Variants in AP1M1 observed in about 807,000 individuals in gnomAD.
AP1M1 encodes the protein adaptor related protein complex 1 subunit mu 1.
In AP1M1, 18 loss-of-function variants were observed where a neutral mutation model predicts 57.1. The observed-to-expected ratio is 0.32, with a 90% CI of 0.22 to 0.47. The LOEUF (loss-of-function observed/expected upper bound fraction) is 0.47, where lower values mean the gene tolerates loss of function less well. AP1M1 is among the 20% of genes least tolerant of loss of function. AP1M1 has a pLI of 1.00. For synonymous variants in AP1M1, 241 were observed against 237.9 expected (o/e 1.01, Z -0.12); for missense variants, 362 against 593.5 (o/e 0.61, Z 4.05).
At chr19:16,229,420 C>A (rs560926824) in intron 9 of AP1M1, among the ~76,000 whole-genome samples, 2 of 152,358 alleles carry the variant, frequency 1.3e-5, no homozygotes, top group Admixed American at 1.3e-4. Context: ...GCTTCCCTGA[C>A]AACATGTTAA....
chr19:16,203,104 G>GC lies in AP1M1; in HGVS notation c.43-354dup. On this transcript the variant is annotated intron_variant, in intron 1 of 11. Coordinates refer to ENST00000291439, the MANE Select transcript of AP1M1 (RefSeq NM_032493.4). The surrounding 1 kb of genome is among the most constrained non-coding windows in gnomAD (Gnocchi z 4.6). ...CCTGACACAGGCGGGAGAGCAAGGT[G>GC]CGTTGGCCCGGCAAAGGCTCTGAGA... 3.8e-6 allele frequency: 1 copy of GC among 264,482 alleles called. No individual in the cohort carries two copies. Among genetic ancestry groups the GC allele is most frequent in the Non-Finnish European group, 7.4e-6 (1 of 135,430 alleles). The allele number at this position is 264,482 out of a possible 1,614,324, so 16.4% of individuals were successfully genotyped here.
chr19:16,231,478 CTTACTGCAGAGGCATGATCTCGG>C, intron 9 of AP1M1, among the ~76,000 whole-genome samples: 1 of 151,896 alleles, frequency 6.6e-6, no homozygotes, highest in East Asian at 2.0e-4. Context: ...ACGATCTCGG[CTTACTGCAGAGGCATGATCTCGG>C]CTTGCTGCAA....
At chr19:16,226,315 T>G (rs1599464420) in intron 5 of AP1M1, 106 bp from the exon 6 acceptor site, 1 of 1,416,362 alleles carries the variant, frequency 7.1e-7, no homozygotes, top group Non-Finnish European at 9.4e-7. Flanking sequence ...GGCTTGGAGG[T>G]GAGAAGGGCG....
At chr19:16,215,327 G>T (rs1264161434) in intron 5 of AP1M1, among the ~76,000 whole-genome samples, 1 of 147,322 alleles carries the variant, frequency 6.8e-6, no homozygotes, top group Non-Finnish European at 1.5e-5. Flanking sequence ...AGCACGTGGT[G>T]GTGCATGCCT....
chr19:16,232,024 GCT>G (rs1221983952), intron 9 of AP1M1, among the ~76,000 whole-genome samples: 4 of 152,192 alleles, frequency 2.6e-5, no homozygotes, highest in Admixed American at 2.0e-4. Flanking sequence ...CCTTCTCCTG[GCT>G]CTCTCTGCAT....
chr19:16,240,841 A>G lies in AP1M1; in HGVS notation c.*6406A>G, dbSNP rs906205842. 1 of 152,216 alleles carries G rather than the reference A, an allele frequency of 6.6e-6. No individual in the cohort carries two copies. The highest frequency in any genetic ancestry group is 1.5e-5 in the Non-Finnish European group (1 of 68,044). 9.4% of individuals were successfully genotyped at this position (152,216 alleles called of 1,614,324 possible). A position where few individuals can be genotyped will look rare whatever the true frequency, so the allele number is the denominator to read the frequency against. On this transcript the variant is annotated 3_prime_UTR_variant, in exon 12 of 12. Transcript: ENST00000291439. Reference sequence around the variant, plus strand: ...TCGTAACTAAAATAATCATAGTCGAACCACAGAACATATCAGACTCAGGGA... The same window carrying G: ...TCGTAACTAAAATAATCATAGTCGAGCCACAGAACATATCAGACTCAGGGA...
rs528842195 is a variant in AP1M1 at position 16,203,211 on chromosome 19, C to T, written c.43-248C>T. 6 of 530,974 alleles carry T rather than the reference C, an allele frequency of 1.1e-5. No individual in the cohort carries two copies. The highest frequency in any genetic ancestry group is 2.0e-5 in the South Asian group (1 of 49,306). The allele number at this position is 530,974 out of a possible 1,614,324, so 32.9% of individuals were successfully genotyped here. ...AGTCCTGGACCTTTGCTGCAGAGTT[C>T]GCCTCTACCCTCACCCTGCGAAGAA... On this transcript the variant is annotated intron_variant, in intron 1 of 11. Coordinates refer to ENST00000291439, the MANE Select transcript of AP1M1 (RefSeq NM_032493.4). The surrounding 1 kb of genome is among the most constrained non-coding windows in gnomAD (Gnocchi z 4.6).
chr19:16,214,350 C>G (rs949557063), intron 5 of AP1M1, among the ~76,000 whole-genome samples: 1 of 138,502 alleles, frequency 7.2e-6, no homozygotes, highest in African/African-American at 2.5e-5. Flanking sequence ...AGCCACTGCA[C>G]CCGGCCTTTT....
rs1352052370 is a variant in AP1M1 at position 16,244,422 on chromosome 19, GAAAATA to G, written c.*9988_*9993del. 3 of 152,154 alleles carry G rather than the reference GAAAATA, an allele frequency of 2.0e-5. No homozygotes were observed. The highest frequency in any genetic ancestry group is 7.2e-5 in the African/African-American group (3 of 41,438). The allele number at this position is 152,154 out of a possible 1,614,324, so 9.4% of individuals were successfully genotyped here. On this transcript the variant is annotated 3_prime_UTR_variant, in exon 12 of 12. Transcript: ENST00000291439. ...AAGAAGAAATAAAAGCAAAGAAGTA[GAAAATA>G]CATGAGAAAATCTAGACAAAGATTG...
In AP1M1 at chr19:16,238,731, T is replaced by C. The variant is rs1223056895; in HGVS notation, c.*4296T>C. The C allele has an allele frequency of 6.7e-6, 1 of 149,768 alleles. No individual in the cohort carries two copies. The highest frequency in any genetic ancestry group is 1.5e-5 in the Non-Finnish European group (1 of 67,500). The allele number at this position is 149,768 out of a possible 1,614,324, so 9.3% of individuals were successfully genotyped here. Reference sequence around the variant, plus strand: ...GTATTCTTTCTTTATGCTTTTTTTTTTTTTTTTTGACAGGGTGTCACTCTG... The same window carrying C: ...GTATTCTTTCTTTATGCTTTTTTTTCTTTTTTTTGACAGGGTGTCACTCTG... On this transcript the variant is annotated 3_prime_UTR_variant, in exon 12 of 12. Transcript: ENST00000291439.
At chr19:16,208,302 T>A (rs773622314) in intron 4 of AP1M1, 153 bp downstream of exon 4, 12 of 810,524 alleles carry the variant, frequency 1.5e-5, no homozygotes, top group Non-Finnish European at 2.2e-5. Context: ...ACTAAGTTGC[T>A]CTTAGTGGTT....
chr19:16,222,283 C>T (rs112803704), intron 5 of AP1M1, among the ~76,000 whole-genome samples: 2,193 of 150,730 alleles, frequency 0.015, 59 homozygotes, highest in African/African-American at 0.05. Context: ...GCATGGCTCA[C>T]TGTAGCCCCA....
At chr19:16,208,296 A>T (rs1376441062) in intron 4 of AP1M1, 147 bp downstream of exon 4, 1 of 846,728 alleles carries the variant, frequency 1.2e-6, no homozygotes, top group African/African-American at 1.7e-5. Flanking sequence ...GTTTTTACTA[A>T]GTTGCTCTTA....
chr19:16,199,302 G>T (rs2091437785), intron 1 of AP1M1, among the ~76,000 whole-genome samples: 1 of 152,190 alleles, frequency 6.6e-6, no homozygotes, highest in Non-Finnish European at 1.5e-5. Context: ...CAGGGAGCTG[G>T]ACATAAACTA....
chr19:16,233,393 G>C, intron 9 of AP1M1, 100 bp from the exon 10 acceptor site: 5 of 1,415,316 alleles, frequency 3.5e-6, no homozygotes, highest in Non-Finnish European at 4.6e-6. Context: ...CCCTGGACTG[G>C]GGTGAGTGGT....
intron 9 of AP1M1, among the ~76,000 whole-genome samples, chr19:16,230,796 T>C (rs1005518264): frequency 2.0e-5 from 3 of 152,184 alleles, no homozygotes; most frequent in Admixed American, 2.0e-4. Context: ...GAACCAAACC[T>C]GCACTGTGTG....
intron 9 of AP1M1, among the ~76,000 whole-genome samples, chr19:16,230,997 A>G (rs1273518901): frequency 6.6e-6 from 1 of 152,062 alleles, no homozygotes; most frequent in East Asian, 1.9e-4. Flanking sequence ...ATTTTAAGAA[A>G]TACAGAGAGG....
chr19:16,227,688 C>T lies in AP1M1; in HGVS notation c.814C>T (p.His272Tyr). The change falls in exon 7 of 12, where the codon CAC (histidine) becomes TAC (tyrosine). Residue 272 changes from histidine (H) to tyrosine (Y), a missense_variant and splice_region_variant. His to Tyr is a moderately conservative substitution (Grantham distance 83). Transcript: ENST00000291439. The surrounding 1 kb of genome is among the most constrained non-coding windows in gnomAD (Gnocchi z 6.2). ...GCTCATGTCCTACCGTCTCAACACCCACGTGAGTGCGCCACCCTGGGGCTG... is the reference window on the plus strand; with the variant it reads ...GCTCATGTCCTACCGTCTCAACACCTACGTGAGTGCGCCACCCTGGGGCTG... Reference protein sequence around the residue: ...FELMSYRLNTHVKPLIWIESV... With the variant: ...FELMSYRLNTYVKPLIWIESV... 6.2e-7 allele frequency: 1 copy of T among 1,613,356 alleles called. No homozygotes were observed. The highest frequency in any genetic ancestry group is 8.5e-7 in the Non-Finnish European group (1 of 1,179,588).
At chr19:16,211,088 T>C (rs1356591321) in intron 5 of AP1M1, among the ~76,000 whole-genome samples, 1 of 137,166 alleles carries the variant, frequency 7.3e-6, no homozygotes, top group Non-Finnish European at 1.6e-5. Context: ...TATCTTTTTA[T>C]TCTCTTAGCA....
Sources: gnomAD v4.1 joint callset for allele counts (sites outside exome capture counted in the v4.1 genomes callset) on GRCh38, gnomAD v4.1.1 for gene constraint, Gnocchi (gnomAD v3.1) non-coding constraint, MANE v1.5 for transcripts, NCBI Gene and HGNC (gene_info 2026-07-23, HGNC 2026-07-21) for gene names.